KCNH1: variants seen among roughly 807,000 people sequenced by gnomAD.
The protein encoded by KCNH1 is potassium voltage-gated channel subfamily H member 1.
KCNH1 carries 27 observed loss-of-function variants against 69.2 expected under a neutral mutation model. That is an observed-to-expected ratio of 0.39 (90% CI 0.29 to 0.54). The LOEUF is 0.54. KCNH1 is among the 20% of genes least tolerant of loss of function. The pLI is 0.68. For synonymous variants in KCNH1, 456 were observed against 487.7 expected (o/e 0.93, Z 0.86); for missense variants, 798 against 1,261.6 (o/e 0.63, Z 5.57).
At chr1:210,928,232 T>G (rs958913251) in intron 6 of KCNH1, among the ~76,000 whole-genome samples, 5 of 152,110 alleles carry the variant, frequency 3.3e-5, no homozygotes, top group African/African-American at 1.2e-4. Flanking sequence ...TACAGAATAT[T>G]CTACTCAACA....
intron 7 of KCNH1, among the ~76,000 whole-genome samples, chr1:210,853,250 C>A (rs1052441122): frequency 6.6e-6 from 1 of 152,158 alleles, no homozygotes; most frequent in Non-Finnish European, 1.5e-5. Flanking sequence ...CCTGGTAGGG[C>A]CTCTGTGGCT....
chr1:210,775,146 C>T (rs1329344810), intron 10 of KCNH1, among the ~76,000 whole-genome samples: 3 of 152,146 alleles, frequency 2.0e-5, no homozygotes, highest in South Asian at 2.1e-4. Context: ...TGCACCAAAA[C>T]GGATCCATCT....
At chr1:211,040,538 C>T (rs980173585) in intron 5 of KCNH1, among the ~76,000 whole-genome samples, 1 of 152,170 alleles carries the variant, frequency 6.6e-6, no homozygotes, top group African/African-American at 2.4e-5. Context: ...TCTGAGGCCT[C>T]CCTAGCCATG....
intron 8 of KCNH1, among the ~76,000 whole-genome samples, chr1:210,798,290 C>T (rs1173955575): frequency 2.6e-5 from 4 of 152,110 alleles, no homozygotes; most frequent in East Asian, 3.9e-4. Flanking sequence ...CCGCCCGCCT[C>T]GGCCTCCCAA....
At chr1:210,791,505 G>A (rs996659079) in intron 9 of KCNH1, among the ~76,000 whole-genome samples, 4 of 152,126 alleles carry the variant, frequency 2.6e-5, no homozygotes, top group Admixed American at 2.6e-4. Context: ...CATGCCACAT[G>A]CATTTCCATG....
At chr1:210,805,086 G>A (rs1225326273) in intron 7 of KCNH1, among the ~76,000 whole-genome samples, 1 of 152,174 alleles carries the variant, frequency 6.6e-6, no homozygotes, top group Non-Finnish European at 1.5e-5. Context: ...CCACGAGTGT[G>A]ACCATGATTT....
At chr1:211,050,484 G>A (rs1690181993) in intron 5 of KCNH1, among the ~76,000 whole-genome samples, 1 of 152,056 alleles carries the variant, frequency 6.6e-6, no homozygotes, top group Non-Finnish European at 1.5e-5. Flanking sequence ...GGTAAGGGCA[G>A]TGGGAAGCAA....
intron 10 of KCNH1, among the ~76,000 whole-genome samples, chr1:210,692,655 T>G (rs1490834066): frequency 1.3e-5 from 2 of 152,034 alleles, no homozygotes; most frequent in Non-Finnish European, 2.9e-5. Flanking sequence ...ATGAATGTCA[T>G]TACAAGAGAC....
chr1:210,719,587 C>G (rs556866953), intron 10 of KCNH1, among the ~76,000 whole-genome samples: 1 of 152,090 alleles, frequency 6.6e-6, no homozygotes, highest in African/African-American at 2.4e-5. Flanking sequence ...GGACAAATAC[C>G]TAATGCATGC....
At chr1:210,906,120 T>A (rs995835300) in intron 7 of KCNH1, among the ~76,000 whole-genome samples, 1 of 152,222 alleles carries the variant, frequency 6.6e-6, no homozygotes, top group Non-Finnish European at 1.5e-5. Flanking sequence ...TCATGGGCTC[T>A]ATTTTCAGCA....
intron 6 of KCNH1, among the ~76,000 whole-genome samples, chr1:210,923,278 C>T (rs1464151257): frequency 6.6e-6 from 1 of 152,198 alleles, no homozygotes; most frequent in African/African-American, 2.4e-5. Context: ...CTGAGTTCAG[C>T]AATGTCTTCT....
chr1:211,132,457 T>TC (rs1691894468), intron 1 of KCNH1: 2 of 152,090 alleles, frequency 1.3e-5, no homozygotes, highest in African/African-American at 4.8e-5. Context: ...AAAGGAAAGG[T>TC]GACTGACCAG....
intron 6 of KCNH1, among the ~76,000 whole-genome samples, chr1:210,964,375 T>A (rs1318165609): frequency 6.6e-6 from 1 of 152,034 alleles, no homozygotes; most frequent in Non-Finnish European, 1.5e-5. Context: ...AGAAACTGCA[T>A]CAATTAACAG....
chr1:210,862,026 A>ATCT, intron 7 of KCNH1: 1 of 779,180 alleles, frequency 1.3e-6, no homozygotes, highest in East Asian at 2.4e-5. Flanking sequence ...TACAATGGCA[A>ATCT]TCTTCTTCTG....
intron 6 of KCNH1, among the ~76,000 whole-genome samples, chr1:210,993,017 T>C (rs1688962936): frequency 6.6e-6 from 1 of 152,114 alleles, no homozygotes; most frequent in Non-Finnish European, 1.5e-5. Context: ...CTCAGAAGTC[T>C]CCCTCTAGGC....
At chr1:210,861,608 G>GGTATAGA in intron 7 of KCNH1, 1 of 771,482 alleles carries the variant, frequency 1.3e-6, no homozygotes, top group East Asian at 2.4e-5. Context: ...CAGTTCCAGT[G>GGTATAGA]GTATAGAGTA....
chr1:210,859,681 A>C (rs1478091387), intron 7 of KCNH1: 4 of 1,289,388 alleles, frequency 3.1e-6, no homozygotes, highest in Non-Finnish European at 4.5e-6. Context: ...TAATCCATTA[A>C]ATAAAAGGAT....
In KCNH1 at chr1:210,679,653, A is replaced by G. The variant is rs989034915; in HGVS notation, c.*3628T>C. ...AGGATTTGGAGAGGAAGCTTGCTGAATGGGATGGGGTGGTATAGTACATTT... is the reference window on the plus strand; with the variant it reads ...AGGATTTGGAGAGGAAGCTTGCTGAGTGGGATGGGGTGGTATAGTACATTT... On this transcript the variant is annotated 3_prime_UTR_variant, in exon 11 of 11. Coordinates refer to ENST00000271751, the MANE Select transcript of KCNH1 (RefSeq NM_172362.3). 1.3e-5 allele frequency: 2 copies of G among 152,192 alleles called. No individual in the cohort carries two copies. Among genetic ancestry groups the G allele is most frequent in the African/African-American group, 4.8e-5 (2 of 41,436 alleles). 9.4% of individuals were successfully genotyped at this position (152,192 alleles called of 1,614,324 possible).
At chr1:211,016,262 T>G (rs1017912457) in intron 6 of KCNH1, among the ~76,000 whole-genome samples, 5 of 152,132 alleles carry the variant, frequency 3.3e-5, no homozygotes, top group African/African-American at 7.2e-5. Context: ...ATACAGTTGG[T>G]TTGGAACTCT....
Sources: allele counts gnomAD v4.1 joint callset (sites outside exome capture counted in the v4.1 genomes callset), GRCh38; gene constraint gnomAD v4.1.1; transcripts MANE v1.5; gene names NCBI Gene and HGNC (gene_info 2026-07-23, HGNC 2026-07-21).